SGCZ: variants seen among roughly 807,000 people sequenced by gnomAD.
SGCZ encodes zeta-sarcoglycan.
A neutral mutation model predicts 41.3 loss-of-function variants in SGCZ; 40 were observed. The observed-to-expected ratio is 0.97, with a 90% CI of 0.75 to 1.26. SGCZ has a LOEUF of 1.26. Among genes scored for constraint, SGCZ ranks in the 50% most tolerant of loss-of-function variants. The pLI is 0.00. For missense variants in SGCZ, 552 were observed against 369.8 expected (o/e 1.49, Z -4.04); for synonymous variants, 206 against 137.5 (o/e 1.50, Z -3.49).
intron 1 of SGCZ, among the ~76,000 whole-genome samples, chr8:14,687,463 C>T (rs36165171): frequency 0.15 from 22,143 of 151,014 alleles, 1,798 homozygotes; most frequent in South Asian, 0.18. Flanking sequence ...TTTGTCCTTG[C>T]GAAAGTTTAC....
intron 1 of SGCZ, among the ~76,000 whole-genome samples, chr8:14,876,491 GA>G (rs1804361339): frequency 6.6e-6 from 1 of 152,020 alleles, no homozygotes; most frequent in African/African-American, 2.4e-5. Flanking sequence ...GAAGAAAATA[GA>G]AGTTTAGACT....
At chr8:14,675,500 G>C (rs1325951962) in intron 1 of SGCZ, among the ~76,000 whole-genome samples, 1 of 152,012 alleles carries the variant, frequency 6.6e-6, no homozygotes, top group East Asian at 1.9e-4. Context: ...ATTGACCACT[G>C]TATACACTTT....
At chr8:14,426,715 C>G (rs990580663) in intron 2 of SGCZ, among the ~76,000 whole-genome samples, 2 of 151,982 alleles carry the variant, frequency 1.3e-5, no homozygotes, top group Non-Finnish European at 2.9e-5. Context: ...GATAAAGAGC[C>G]TGAAACTCTC....
intron 1 of SGCZ, among the ~76,000 whole-genome samples, chr8:14,616,752 A>G (rs2117356634): frequency 6.6e-6 from 1 of 152,298 alleles, no homozygotes; most frequent in Admixed American, 6.5e-5. Flanking sequence ...AAACCTTGAA[A>G]ATAACAAATA....
At chr8:14,639,855 T>C (rs765769662) in intron 1 of SGCZ, among the ~76,000 whole-genome samples, 1 of 151,580 alleles carries the variant, frequency 6.6e-6, no homozygotes. Flanking sequence ...CAGGTTGGCA[T>C]AATTTGTTAT....
intron 1 of SGCZ, among the ~76,000 whole-genome samples, chr8:14,923,606 C>G (rs1799656726): frequency 6.6e-6 from 1 of 152,092 alleles, no homozygotes; most frequent in African/African-American, 2.4e-5. Flanking sequence ...TACTTCACTG[C>G]ATAAGGTAAG....
In SGCZ at chr8:14,133,858, G is replaced by A. The variant is rs539067112; in HGVS notation, c.548-25623C>T. On this transcript the variant is annotated intron_variant, in intron 5 of 7. Transcript: ENST00000382080. ...TTTAAAATTACCACTACATTATACTGCACTCCAGTTTTGTGTAACTTATTT... is the reference window on the plus strand; with the variant it reads ...TTTAAAATTACCACTACATTATACTACACTCCAGTTTTGTGTAACTTATTT... Among the ~76,000 whole-genome samples, 5 of 151,964 alleles carry A rather than the reference G, an allele frequency of 3.3e-5. No individual in the cohort carries two copies. The South Asian group carries it at 1.0e-3, about 32-fold the overall frequency.
At chr8:15,032,011 A>C (rs1803689797) in intron 1 of SGCZ, among the ~76,000 whole-genome samples, 1 of 151,932 alleles carries the variant, frequency 6.6e-6, no homozygotes, top group South Asian at 2.1e-4. Context: ...GACAGAAAAA[A>C]GTATGGTTTA....
At chr8:14,861,135 A>T (rs767729075) in intron 1 of SGCZ, among the ~76,000 whole-genome samples, 1 of 152,192 alleles carries the variant, frequency 6.6e-6, no homozygotes, top group Non-Finnish European at 1.5e-5. Flanking sequence ...AAGACACTAC[A>T]CTTTGTGTTG....
intron 5 of SGCZ, among the ~76,000 whole-genome samples, chr8:14,111,984 C>G (rs79317246): frequency 0.013 from 2,021 of 152,214 alleles, 25 homozygotes; most frequent in Middle Eastern, 0.027. Context: ...GCTATCTATA[C>G]TATAAATGTT....
chr8:14,208,597 TTATAA>T (rs1367478934), intron 4 of SGCZ, among the ~76,000 whole-genome samples: 3 of 152,172 alleles, frequency 2.0e-5, no homozygotes, highest in African/African-American at 7.2e-5. Flanking sequence ...ATATTAGCAA[TTATAA>T]TAGAATCAGA....
At chr8:14,561,493 A>C (rs1039400087) in intron 1 of SGCZ, among the ~76,000 whole-genome samples, 1 of 152,044 alleles carries the variant, frequency 6.6e-6, no homozygotes, top group Admixed American at 6.6e-5. Context: ...ATGCCCTCAA[A>C]ATCTGTTTGT....
At position 14,645,716 on chromosome 8, in the gene SGCZ, A is replaced by G. The variant is rs1456090599; in HGVS notation, c.40-90790T>C. 4.0e-5 allele frequency among the ~76,000 whole-genome samples: 4 copies of G among 99,918 alleles called. No individual in the cohort carries two copies. The East Asian group carries it at 4.5e-3, about 113-fold the overall frequency. The allele number at this position is 99,918 out of a possible 152,430, so 65.6% of individuals were successfully genotyped here. A position where few individuals can be genotyped will look rare whatever the true frequency, so the allele number is the denominator to read the frequency against. On this transcript the variant is annotated intron_variant, in intron 1 of 7. Transcript: ENST00000382080. Reference sequence around the variant, plus strand: ...TTATAGTCCATTTACACATACATACACACACACATTCTGTTTTAATATTGT... The same window carrying G: ...TTATAGTCCATTTACACATACATACGCACACACATTCTGTTTTAATATTGT...
intron 1 of SGCZ, among the ~76,000 whole-genome samples, chr8:15,215,427 C>T (rs1801367450): frequency 6.6e-6 from 1 of 152,158 alleles, no homozygotes. Context: ...TTTACAGGCA[C>T]TGTTTTACTT....
At chr8:14,656,391 C>T (rs1356390314) in intron 1 of SGCZ, among the ~76,000 whole-genome samples, 1 of 147,314 alleles carries the variant, frequency 6.8e-6, no homozygotes, top group East Asian at 2.1e-4. Flanking sequence ...TTCTTTTTCT[C>T]CCTTTCTCTT....
chr8:14,691,700 T>C (rs1438340014), intron 1 of SGCZ, among the ~76,000 whole-genome samples: 2 of 152,092 alleles, frequency 1.3e-5, no homozygotes, highest in African/African-American at 4.8e-5. Context: ...TGAGTTATGT[T>C]AGTCAGATTT....
intron 2 of SGCZ, among the ~76,000 whole-genome samples, chr8:14,438,641 A>T (rs1051004274): frequency 1.3e-5 from 2 of 152,020 alleles, no homozygotes; most frequent in African/African-American, 4.8e-5. Flanking sequence ...AATTTGGATA[A>T]ATTTTGTATT....
intron 1 of SGCZ, among the ~76,000 whole-genome samples, chr8:14,566,486 G>C (rs1804365958): frequency 6.6e-6 from 1 of 152,144 alleles, no homozygotes; most frequent in African/African-American, 2.4e-5. Context: ...GACCATACAA[G>C]AGACAATGGA....
intron 2 of SGCZ, among the ~76,000 whole-genome samples, chr8:14,403,992 A>G (rs1413933127): frequency 1.3e-5 from 2 of 152,202 alleles, no homozygotes; most frequent in Non-Finnish European, 2.9e-5. Flanking sequence ...AACCATGTAT[A>G]AAGCCCAGAG....
Sources: allele counts gnomAD v4.1 joint callset (sites outside exome capture counted in the v4.1 genomes callset), GRCh38; gene constraint gnomAD v4.1.1; transcripts MANE v1.5; gene names NCBI Gene and HGNC (gene_info 2026-07-23, HGNC 2026-07-21).